Variants in RIMS2 observed in about 807,000 individuals in gnomAD.
RIMS2 encodes the protein regulating synaptic membrane exocytosis 2.
RIMS2 carries 59 observed loss-of-function variants against 174.4 expected under a neutral mutation model. The ratio of observed to expected loss-of-function variants is 0.34; its 90% CI spans 0.27 to 0.42. The LOEUF is 0.42. Ranked by LOEUF, RIMS2 falls within the 10% of genes least tolerant of loss-of-function variation. The pLI is 1.00. For synonymous variants in RIMS2, 606 were observed against 572.5 expected, an observed-to-expected ratio of 1.06 and a Z score of -0.84; for missense variants, 1,620 against 1,666.3, an observed-to-expected ratio of 0.97 and a Z score of 0.48.
chr8:103,564,568 C>T (rs2092090792), intron 1 of RIMS2, among the ~76,000 whole-genome samples: 1 of 152,168 alleles, frequency 6.6e-6, no homozygotes, highest in Admixed American at 6.5e-5. Context: ...TCTGGCAAAC[C>T]ACTGGTGTAA....
intron 3 of RIMS2, among the ~76,000 whole-genome samples, chr8:103,848,737 G>A (rs1485587604): frequency 1.3e-5 from 2 of 151,988 alleles, no homozygotes; most frequent in Non-Finnish European, 2.9e-5. Flanking sequence ...GACCAATTGC[G>A]AATCTCTGGT....
chr8:104,163,241 T>A (rs2098774913), intron 19 of RIMS2, among the ~76,000 whole-genome samples: 1 of 152,152 alleles, frequency 6.6e-6, no homozygotes. Context: ...GATGAAGTAT[T>A]TTTTTAACTG....
chr8:103,976,611 G>A (rs180808145), intron 16 of RIMS2: 3,726 of 146,266 alleles, frequency 0.025, 135 homozygotes, highest in African/African-American at 0.087. Context: ...GCAGTGGTGC[G>A]ATCTCGGCTC....
intron 3 of RIMS2, among the ~76,000 whole-genome samples, chr8:103,862,834 T>C (rs1167559656): frequency 6.6e-6 from 1 of 152,142 alleles, no homozygotes; most frequent in Non-Finnish European, 1.5e-5. Context: ...ATCCTGAAAC[T>C]TTACTGAAGT....
chr8:104,104,503 A>C (rs920987144), intron 19 of RIMS2, among the ~76,000 whole-genome samples: 5 of 152,226 alleles, frequency 3.3e-5, no homozygotes, highest in Non-Finnish European at 7.3e-5. Flanking sequence ...AAGGAAGACA[A>C]GTTCATGTGG....
intron 16 of RIMS2, chr8:103,977,233 CATATT>C (rs1333049643): frequency 6.6e-6 from 1 of 152,072 alleles, no homozygotes; most frequent in Non-Finnish European, 1.5e-5. Context: ...CAATATCTGA[CATATT>C]AAGTTGACAA....
At chr8:103,839,316 G>A (rs2098925407) in intron 3 of RIMS2, among the ~76,000 whole-genome samples, 1 of 152,176 alleles carries the variant, frequency 6.6e-6, no homozygotes, top group Non-Finnish European at 1.5e-5. Flanking sequence ...CCTAAATGAT[G>A]TATTGTAGAA....
chr8:103,524,974 C>G (rs1833285114), intron 1 of RIMS2, among the ~76,000 whole-genome samples: 1 of 152,114 alleles, frequency 6.6e-6, no homozygotes, highest in Non-Finnish European at 1.5e-5. Context: ...CCAGTGCTTC[C>G]CAGTGGCAGA....
chr8:104,148,660 T>C (rs374093586), intron 19 of RIMS2: 5 of 1,598,152 alleles, frequency 3.1e-6, no homozygotes, highest in Non-Finnish European at 4.2e-6. Context: ...GGGAAGAACA[T>C]GACAAAAAGC....
downstream of RIMS2, chr8:104,255,735 C>T (rs985960371): frequency 6.6e-5 from 10 of 152,360 alleles, no homozygotes; most frequent in African/African-American, 2.2e-4. Flanking sequence ...TCTCAACTCC[C>T]TCAGCTCGTG....
At chr8:103,876,364 C>T (rs777584221) in intron 3 of RIMS2, among the ~76,000 whole-genome samples, 14 of 151,336 alleles carry the variant, frequency 9.3e-5, no homozygotes, top group African/African-American at 2.4e-5. Context: ...CAAGGTATCC[C>T]TTCCCCAGTG....
chr8:103,900,404 A>G (rs1257305068), intron 4 of RIMS2, among the ~76,000 whole-genome samples: 1 of 151,892 alleles, frequency 6.6e-6, no homozygotes, highest in Non-Finnish European at 1.5e-5. Flanking sequence ...TTGTATTTTT[A>G]GTAAAGACAG....
chr8:103,581,673 A>G (rs1252293479), intron 1 of RIMS2, among the ~76,000 whole-genome samples: 1 of 152,240 alleles, frequency 6.6e-6, no homozygotes, highest in East Asian at 1.9e-4. Context: ...TTAGAAAGGA[A>G]GAAGTCACAT....
intron 2 of RIMS2, among the ~76,000 whole-genome samples, chr8:103,762,859 G>A (rs375169095): frequency 1.1e-4 from 17 of 152,108 alleles, no homozygotes; most frequent in African/African-American, 3.9e-4. Context: ...ACATGTTACT[G>A]TATTAAATAT....
chr8:103,992,824 C>T (rs1162841799), intron 17 of RIMS2, among the ~76,000 whole-genome samples: 10 of 152,166 alleles, frequency 6.6e-5, no homozygotes, highest in Admixed American at 6.6e-4. Flanking sequence ...AATTATTAAG[C>T]ATATCTTTCA....
chr8:103,740,487 T>A (rs1053058615), intron 2 of RIMS2, among the ~76,000 whole-genome samples: 2 of 152,130 alleles, frequency 1.3e-5, no homozygotes, highest in Non-Finnish European at 2.9e-5. Context: ...CAATGGAAGA[T>A]GGTTATAGAT....
chr8:104,009,760 A>G (rs2095697668), intron 17 of RIMS2, among the ~76,000 whole-genome samples: 5 of 152,190 alleles, frequency 3.3e-5, no homozygotes, highest in Admixed American at 3.3e-4. Context: ...TTTACTTTTT[A>G]CAAATTTACT....
At position 103,936,537 on chromosome 8, in the gene RIMS2, G is replaced by T. The variant is rs779328265; in HGVS notation, c.2376-14G>T. ...GTTCTATGTAAGTTCATAATTCATT[G>T]TTTTTTTCCATAGTGATAAAAACAA... On this transcript the variant is annotated splice_polypyrimidine_tract_variant and intron_variant, in intron 12 of 23. Coordinates refer to ENST00000504942, the Ensembl canonical transcript of RIMS2. 3 of 1,506,926 alleles carry T rather than the reference G, an allele frequency of 2.0e-6. No homozygotes were observed. In the African/African-American group the frequency reaches 4.3e-5, roughly 21 times the overall value. The allele number at this position is 1,506,926 out of a possible 1,614,324, so 93.3% of individuals were successfully genotyped here. A position where few individuals can be genotyped will look rare whatever the true frequency, so the allele number is the denominator to read the frequency against.
At chr8:103,528,272 T>G (rs1835095817) in intron 1 of RIMS2, among the ~76,000 whole-genome samples, 1 of 152,152 alleles carries the variant, frequency 6.6e-6, no homozygotes, top group Admixed American at 6.5e-5. Context: ...TTTGAGTTCT[T>G]CGTAGATTCT....
Sources: allele counts gnomAD v4.1 joint callset (sites outside exome capture counted in the v4.1 genomes callset), GRCh38; gene constraint gnomAD v4.1.1; transcripts MANE v1.5; gene names NCBI Gene and HGNC (gene_info 2026-07-23, HGNC 2026-07-21).